Variants in AGBL1 observed in about 807,000 individuals in gnomAD.
The protein encoded by AGBL1 is AGBL carboxypeptidase 1, also known as cytosolic carboxypeptidase 4.
AGBL1 carries 130 observed loss-of-function variants against 118.9 expected under a neutral mutation model. The observed-to-expected ratio is 1.09, with a 90% CI of 0.95 to 1.26. The LOEUF is 1.26. AGBL1 is among the 50% of genes most tolerant of loss of function. AGBL1 has a pLI of 0.00. For synonymous variants in AGBL1, 555 were observed against 478.9 expected (o/e 1.16, Z -2.08); for missense variants, 1,584 against 1,298.1 (o/e 1.22, Z -3.38).
Position 86,522,912 on chromosome 15 carries a change from C to T in AGBL1, c.2658C>T (p.His886=). 6.2e-7 allele frequency: 1 copy of T among 1,613,996 alleles called. No homozygotes were observed. The highest frequency in any genetic ancestry group is 8.5e-7 in the Non-Finnish European group (1 of 1,179,852). ...ACCATGCCAAAGGCCTCCTCTACCA[C>T]CTGAGCAGCATTGGCCGAAGTCCCG... is the stretch of plus-strand genomic sequence containing the variant. ...TIYHAKGLLY[H]LSSIGRSPVV... The change falls in exon 19 of 23, where the codon CAC becomes CAT. Residue 886 remains histidine, a synonymous_variant. Transcript: ENST00000614907.
chr15:86,162,582 C>G lies in AGBL1; in HGVS notation c.488+3556C>G, dbSNP rs117322535. ...AGGCCTCCTCCACTTCCCAAATACC[C>G]ACCATGCTGCACACACTTGTGTTGG... is the stretch of plus-strand genomic sequence containing the variant. On this transcript the variant is annotated intron_variant, in intron 5 of 22. Transcript: ENST00000614907. 7.5e-4 allele frequency among the ~76,000 whole-genome samples: 115 copies of G among 152,320 alleles called. No homozygotes were observed. In the East Asian group the frequency reaches 0.019, roughly 25 times the overall value.
At chr15:86,183,154 G>C (rs75322012) in intron 5 of AGBL1, among the ~76,000 whole-genome samples, 4,155 of 152,222 alleles carry the variant, frequency 0.027, 94 homozygotes, top group East Asian at 0.058. Context: ...GCCTCTGTCC[G>C]ATCTCTGGCT....
chr15:87,003,727 T>A (rs186624519), intron 24 of AGBL1, among the ~76,000 whole-genome samples: 62 of 152,298 alleles, frequency 4.1e-4, no homozygotes, highest in African/African-American at 1.5e-3. Flanking sequence ...TGTCAAGGAA[T>A]TTATCCATTT....
intron 21 of AGBL1, among the ~76,000 whole-genome samples, chr15:86,583,026 G>C (rs1179180049): frequency 6.6e-6 from 1 of 151,660 alleles, no homozygotes; most frequent in East Asian, 1.9e-4. Context: ...ATAAAAAAAA[G>C]TTATAATATT....
chr15:86,759,791 C>T (rs950375371), intron 22 of AGBL1, among the ~76,000 whole-genome samples: 2 of 152,098 alleles, frequency 1.3e-5, no homozygotes, highest in African/African-American at 2.4e-5. Flanking sequence ...ATGATCTTCA[C>T]GTGATTCTAA....
At chr15:86,737,078 G>A (rs557511443) in intron 22 of AGBL1, among the ~76,000 whole-genome samples, 8 of 152,268 alleles carry the variant, frequency 5.3e-5, no homozygotes, top group African/African-American at 1.9e-4. Context: ...CACTGTGTTT[G>A]TGACACATAC....
chr15:86,917,887 T>G (rs545132230), downstream of AGBL1, among the ~76,000 whole-genome samples: 1 of 152,246 alleles, frequency 6.6e-6, no homozygotes, highest in Admixed American at 6.5e-5. This position sits in a 1 kb window ranked among gnomAD's most constrained non-coding sequence, Gnocchi z 4.8. Context: ...TGTCCAGGAT[T>G]GAATTTTAAG....
chr15:86,291,656 A>T (rs1245727256), intron 16 of AGBL1, among the ~76,000 whole-genome samples: 1 of 152,226 alleles, frequency 6.6e-6, no homozygotes, highest in Non-Finnish European at 1.5e-5. Flanking sequence ...TTATGTGGTC[A>T]TGAGAGATTA....
chr15:86,083,288 G>A (rs1426932665), intron 1 of AGBL1: 4 of 152,204 alleles, frequency 2.6e-5, no homozygotes, highest in Non-Finnish European at 5.9e-5. Context: ...GTTGCAGGAT[G>A]TGGGCTCCTT....
chr15:86,384,050 T>C (rs1481470737), intron 17 of AGBL1, among the ~76,000 whole-genome samples: 1 of 152,186 alleles, frequency 6.6e-6, no homozygotes, highest in Non-Finnish European at 1.5e-5. Context: ...TCGTGGAGCA[T>C]GTCACGGTCC....
chr15:86,325,400 G>C (rs2080169158), intron 17 of AGBL1, among the ~76,000 whole-genome samples: 1 of 152,134 alleles, frequency 6.6e-6, no homozygotes, highest in African/African-American at 2.4e-5. Flanking sequence ...AACTTTTGAG[G>C]TTTTAAGAGC....
chr15:86,227,971 A>C (rs576233873), intron 6 of AGBL1, among the ~76,000 whole-genome samples: 1 of 152,318 alleles, frequency 6.6e-6, no homozygotes, highest in African/African-American at 2.4e-5. Context: ...ACTTCATTTA[A>C]ATCGCAAAGT....
chr15:86,906,301 C>T (rs2080279009), intron 22 of AGBL1, among the ~76,000 whole-genome samples: 1 of 152,220 alleles, frequency 6.6e-6, no homozygotes, highest in African/African-American at 2.4e-5. Context: ...TCCCCCTGCT[C>T]ACAATATGCT....
At chr15:86,637,969 C>T (rs1272848416) in intron 21 of AGBL1, among the ~76,000 whole-genome samples, 1 of 152,098 alleles carries the variant, frequency 6.6e-6, no homozygotes, top group Non-Finnish European at 1.5e-5. Flanking sequence ...TATCCTTCTG[C>T]CCCTCAGGGC....
intron 3 of AGBL1, among the ~76,000 whole-genome samples, chr15:86,148,218 C>G (rs772528764): frequency 1.3e-5 from 2 of 152,216 alleles, no homozygotes; most frequent in Non-Finnish European, 2.9e-5. Context: ...CAGAGCATCT[C>G]TTCTCTTCCA....
intron 21 of AGBL1, among the ~76,000 whole-genome samples, chr15:86,661,207 G>C (rs1217042253): frequency 1.3e-5 from 2 of 152,072 alleles, no homozygotes; most frequent in African/African-American, 4.8e-5. Context: ...ATACGCATAA[G>C]ATCATTGGGG....
intron 24 of AGBL1, among the ~76,000 whole-genome samples, chr15:87,007,028 C>A (rs1416855701): frequency 6.6e-6 from 1 of 152,050 alleles, no homozygotes; most frequent in Admixed American, 6.6e-5. Context: ...CTGAATAATA[C>A]TCCAGAGAAG....
intron 18 of AGBL1, among the ~76,000 whole-genome samples, chr15:86,425,479 G>A (rs2081855702): frequency 2.0e-5 from 3 of 152,022 alleles, no homozygotes; most frequent in Admixed American, 2.0e-4. Flanking sequence ...CATGGCATGT[G>A]TATACCTATG....
intron 21 of AGBL1, among the ~76,000 whole-genome samples, chr15:86,594,043 C>T (rs1037492777): frequency 2.0e-5 from 3 of 151,948 alleles, no homozygotes; most frequent in African/African-American, 7.3e-5. Context: ...TTGCCTTGGC[C>T]TCCTGAGTAG....
Sources: gnomAD v4.1 joint callset for allele counts (sites outside exome capture counted in the v4.1 genomes callset) on GRCh38, gnomAD v4.1.1 for gene constraint, Gnocchi (gnomAD v3.1) non-coding constraint, MANE v1.5 for transcripts, NCBI Gene and HGNC (gene_info 2026-07-23, HGNC 2026-07-21) for gene names.